CNTNAP5: variants seen among roughly 807,000 people sequenced by gnomAD.
CNTNAP5 encodes the protein contactin-associated protein-like 5.
A neutral mutation model predicts 150.2 loss-of-function variants in CNTNAP5; 72 were observed. The ratio of observed to expected loss-of-function variants is 0.48; its 90% CI spans 0.40 to 0.58. The LOEUF is 0.58. Among genes scored for constraint, CNTNAP5 ranks in the 20% least tolerant of loss-of-function variants. The pLI, the probability that CNTNAP5 is intolerant of heterozygous loss-of-function variation, is 0.00. For missense variants in CNTNAP5, 1,636 were observed against 1,626.2 expected (o/e 1.01, Z -0.10); for synonymous variants, 672 against 619.8 (o/e 1.08, Z -1.25).
intron 12 of CNTNAP5, among the ~76,000 whole-genome samples, chr2:124,633,337 C>T (rs929360845): frequency 2.6e-5 from 4 of 152,166 alleles, no homozygotes; most frequent in South Asian, 4.1e-4. Flanking sequence ...GGTAAATAGC[C>T]TTATTCCAAA....
At chr2:124,173,148 G>A (rs1262079206) in intron 1 of CNTNAP5, among the ~76,000 whole-genome samples, 1 of 152,154 alleles carries the variant, frequency 6.6e-6, no homozygotes, top group African/African-American at 2.4e-5. Flanking sequence ...AGTGATAAGT[G>A]TTGTGTGTTA....
intron 1 of CNTNAP5, among the ~76,000 whole-genome samples, chr2:124,106,631 A>G (rs959023468): frequency 6.6e-6 from 1 of 152,172 alleles, no homozygotes; most frequent in Non-Finnish European, 1.5e-5. Context: ...CAGCTCCTCC[A>G]TTTGGATGTT....
intron 3 of CNTNAP5, among the ~76,000 whole-genome samples, chr2:124,276,786 T>C (rs1687893145): frequency 6.6e-6 from 1 of 152,180 alleles, no homozygotes; most frequent in Non-Finnish European, 1.5e-5. Flanking sequence ...CAAATGAGTG[T>C]GCACCCAGGG....
intron 6 of CNTNAP5, among the ~76,000 whole-genome samples, chr2:124,448,933 AC>A (rs1273765033): frequency 1.3e-5 from 2 of 152,240 alleles, no homozygotes; most frequent in Admixed American, 6.5e-5. Flanking sequence ...GCACACCAAC[AC>A]GTACATACCT....
chr2:124,805,997 G>T (rs1682072508), intron 19 of CNTNAP5, among the ~76,000 whole-genome samples: 1 of 152,212 alleles, frequency 6.6e-6, no homozygotes, highest in African/African-American at 2.4e-5. Flanking sequence ...CCACACTAGA[G>T]TTAGTCTTCA....
Position 124,657,574 on chromosome 2 carries a change from G to A in CNTNAP5, c.2077+9616G>A, listed in dbSNP as rs561978525. ...TTCCCCACAGCGGATATCCCAGCCTGCAGCCAGAGTGATAATCTTTTCAAA... is the reference window on the plus strand; with the variant it reads ...TTCCCCACAGCGGATATCCCAGCCTACAGCCAGAGTGATAATCTTTTCAAA... On this transcript the variant is annotated intron_variant, in intron 13 of 23. Transcript: ENST00000682447. Among the ~76,000 whole-genome samples the A allele has an allele frequency of 7.5e-4, 114 of 152,082 alleles. 1 individual carries two copies. Among genetic ancestry groups the A allele is most frequent in the Non-Finnish European group, 1.0e-3 (71 of 68,008 alleles).
chr2:124,810,463 G>C (rs1254861054), intron 19 of CNTNAP5, among the ~76,000 whole-genome samples: 2 of 152,226 alleles, frequency 1.3e-5, no homozygotes, highest in Non-Finnish European at 2.9e-5. Flanking sequence ...GGTATAGAGG[G>C]AGGACACAGG....
intron 19 of CNTNAP5, among the ~76,000 whole-genome samples, chr2:124,831,348 C>T (rs1468640994): frequency 6.6e-6 from 1 of 151,782 alleles, no homozygotes; most frequent in Non-Finnish European, 1.5e-5. Flanking sequence ...ACCTTCCTTA[C>T]CAAGAATACA....
At chr2:124,419,153 A>AAAAAAAAAAAAAAAAAC (rs1553466545) in intron 4 of CNTNAP5, among the ~76,000 whole-genome samples, 11 of 76,420 alleles carry the variant, frequency 1.4e-4, no homozygotes, top group East Asian at 4.3e-4. Context: ...AAAAAAAAAA[A>AAAAAAAAAAAAAAAAAC]AAAAAAAAAA....
At chr2:124,861,665 C>A (rs1237278954) in intron 19 of CNTNAP5, among the ~76,000 whole-genome samples, 2 of 152,124 alleles carry the variant, frequency 1.3e-5, no homozygotes, top group African/African-American at 2.4e-5. Context: ...GAAGAAGAAG[C>A]AGCTAGATTT....
chr2:124,185,229 A>T (rs532712648), intron 1 of CNTNAP5, among the ~76,000 whole-genome samples: 1 of 152,234 alleles, frequency 6.6e-6, no homozygotes, highest in East Asian at 1.9e-4. Context: ...TCTCCCTGCC[A>T]CTTACTATGT....
intron 7 of CNTNAP5, among the ~76,000 whole-genome samples, chr2:124,495,963 T>G (rs1277533048): frequency 6.6e-6 from 1 of 152,048 alleles, no homozygotes; most frequent in African/African-American, 2.4e-5. Flanking sequence ...GCAGAATACG[T>G]GTCTCCCTCA....
intron 3 of CNTNAP5, among the ~76,000 whole-genome samples, chr2:124,293,208 C>G (rs2104636359): frequency 6.6e-6 from 1 of 151,994 alleles, no homozygotes; most frequent in East Asian, 1.9e-4. Context: ...TGATATTTAA[C>G]CCTTTCCTTA....
At chr2:124,710,498 A>C (rs1339530464) in intron 13 of CNTNAP5, among the ~76,000 whole-genome samples, 1 of 152,144 alleles carries the variant, frequency 6.6e-6, no homozygotes. Context: ...TTCTCAGTTC[A>C]ACAAGAGAAC....
At chr2:124,585,669 C>CTTTTTTTTTT (rs33978614) in intron 11 of CNTNAP5, among the ~76,000 whole-genome samples, 2 of 66,394 alleles carry the variant, frequency 3.0e-5, no homozygotes, top group Non-Finnish European at 5.4e-5. Context: ...GAGCTTGAAG[C>CTTTTTTTTTT]TTTTTTTTTT....
intron 12 of CNTNAP5, among the ~76,000 whole-genome samples, chr2:124,628,169 C>T (rs577994178): frequency 5.4e-4 from 82 of 152,210 alleles, no homozygotes; most frequent in African/African-American, 1.9e-3. Context: ...AGGACTTCCC[C>T]AACCTAGAAA....
chr2:124,389,723 T>G (rs1691062610), intron 3 of CNTNAP5, among the ~76,000 whole-genome samples: 1 of 152,142 alleles, frequency 6.6e-6, no homozygotes, highest in Non-Finnish European at 1.5e-5. Flanking sequence ...TCCTAGCACT[T>G]AGGGAGGCTT....
chr2:124,773,140 C>A, intron 17 of CNTNAP5, 123 bp downstream of exon 17: 1 of 748,360 alleles, frequency 1.3e-6, no homozygotes. Context: ...TAAATCATTT[C>A]TAATGGTAAA....
At chr2:124,785,115 G>GT in intron 17 of CNTNAP5, among the ~76,000 whole-genome samples, 1 of 150,922 alleles carries the variant, frequency 6.6e-6, no homozygotes, top group Middle Eastern at 3.5e-3. Flanking sequence ...AAAGCTACAT[G>GT]TTTTTTGTTC....
Sources: gnomAD v4.1 joint callset for allele counts (sites outside exome capture counted in the v4.1 genomes callset) on GRCh38, gnomAD v4.1.1 for gene constraint, MANE v1.5 for transcripts, NCBI Gene and HGNC (gene_info 2026-07-23, HGNC 2026-07-21) for gene names.